The following AMPH variants were observed in gnomAD, a reference collection of about 807,000 sequenced individuals.
The protein encoded by AMPH is amphiphysin (Stiff-Mann syndrome with breast cancer 128kD autoantigen).
A neutral mutation model predicts 99.1 loss-of-function variants in AMPH; 49 were observed. That is an observed-to-expected ratio of 0.49 (90% CI 0.39 to 0.63). The LOEUF (loss-of-function observed/expected upper bound fraction) is 0.63. Ranked by LOEUF, AMPH falls within the 20% of genes least tolerant of loss-of-function variation. AMPH has a pLI of 0.00. For missense variants in AMPH, 759 were observed against 863.4 expected (o/e 0.88, Z 1.52); for synonymous variants, 314 against 317.3 (o/e 0.99, Z 0.11).
intron 20 of AMPH, among the ~76,000 whole-genome samples, chr7:38,387,709 G>C (rs1033625856): frequency 1.3e-5 from 2 of 150,880 alleles, no homozygotes; most frequent in African/African-American, 4.9e-5. Flanking sequence ...AAAAATTAAA[G>C]ATAAAAAGCA....
intron 11 of AMPH, among the ~76,000 whole-genome samples, chr7:38,440,256 CA>C (rs1786453408): frequency 6.6e-6 from 1 of 152,030 alleles, no homozygotes; most frequent in African/African-American, 2.4e-5. Context: ...AATAATGAAG[CA>C]AAAAGACAGT....
chr7:38,406,184 C>T (rs1784978963), intron 17 of AMPH, among the ~76,000 whole-genome samples: 1 of 152,026 alleles, frequency 6.6e-6, no homozygotes, highest in Non-Finnish European at 1.5e-5. Context: ...AGAGACACAA[C>T]ATATCAAAAC....
At chr7:38,613,819 TAGC>T (rs1584307361) in intron 1 of AMPH, among the ~76,000 whole-genome samples, 4 of 110,112 alleles carry the variant, frequency 3.6e-5, no homozygotes, top group Admixed American at 1.8e-4. Flanking sequence ...AAAAAAAAAA[TAGC>T]AGCTTCTGTA....
intron 1 of AMPH, among the ~76,000 whole-genome samples, chr7:38,605,777 T>G (rs1793415446): frequency 6.6e-6 from 1 of 152,104 alleles, no homozygotes; most frequent in Non-Finnish European, 1.5e-5. Context: ...AGACAGGGTT[T>G]CACTATGTTG....
chr7:38,558,522 A>T (rs772516554), intron 1 of AMPH, among the ~76,000 whole-genome samples: 52 of 152,234 alleles, frequency 3.4e-4, no homozygotes, highest in Non-Finnish European at 6.9e-4. Flanking sequence ...AACAGTTTTA[A>T]ACACTGATTA....
rs1002709285 is a variant in AMPH at position 38,463,128 on chromosome 7, G to C, written c.750-15C>G. On this transcript the variant is annotated splice_polypyrimidine_tract_variant and intron_variant, in intron 9 of 20. Transcript: ENST00000356264. The stretch of plus-strand genomic sequence containing the variant: ...GACCCGAATCACTAGAGGAACACAG[G>C]GGATTGGGCAAGGGGCCTTCTCAAG... 2.0e-5 allele frequency: 33 copies of C among 1,613,892 alleles called. No homozygotes were observed. The highest frequency in any genetic ancestry group is 2.8e-5 in the Non-Finnish European group (33 of 1,179,846).
intron 15 of AMPH, among the ~76,000 whole-genome samples, chr7:38,426,317 T>C (rs1785780986): frequency 6.6e-6 from 1 of 152,180 alleles, no homozygotes; most frequent in Non-Finnish European, 1.5e-5. Flanking sequence ...TGCCTACCTG[T>C]TGGGACATAC....
chr7:38,521,175 G>T (rs1303108613), intron 2 of AMPH, among the ~76,000 whole-genome samples: 1 of 151,996 alleles, frequency 6.6e-6, no homozygotes, highest in East Asian at 1.9e-4. Flanking sequence ...TCTTAAGAGG[G>T]TATCTTAAGG....
chr7:38,385,976 CA>C (rs59250361), intron 20 of AMPH, among the ~76,000 whole-genome samples: 2,150 of 152,260 alleles, frequency 0.014, 46 homozygotes, highest in African/African-American at 0.048. Context: ...AAACCCCCAA[CA>C]TAGTTCAAGT....
intron 1 of AMPH, among the ~76,000 whole-genome samples, chr7:38,620,334 A>ATGTGTG (rs1235215214): frequency 5.1e-4 from 44 of 86,284 alleles, no homozygotes; most frequent in African/African-American, 1.3e-3. Flanking sequence ...GGAGATATAT[A>ATGTGTG]TATGTGTGTG....
At chr7:38,494,604 G>A in intron 3 of AMPH, 77 bp from the exon 4 acceptor site, 1 of 1,307,182 alleles carries the variant, frequency 7.7e-7, no homozygotes, top group South Asian at 1.2e-5. Context: ...ACTTTCTTAA[G>A]TGAGAGAAAA....
intron 1 of AMPH, among the ~76,000 whole-genome samples, chr7:38,559,908 G>A (rs1034234497): frequency 6.6e-5 from 10 of 152,226 alleles, no homozygotes; most frequent in African/African-American, 2.4e-4. Flanking sequence ...ATGGATTAGT[G>A]GCTGGGATCA....
intron 1 of AMPH, among the ~76,000 whole-genome samples, chr7:38,620,505 A>G (rs2129070247): frequency 6.6e-6 from 1 of 150,496 alleles, no homozygotes; most frequent in East Asian, 2.0e-4. Context: ...GATCCTCCCA[A>G]GGTTTGGACC....
intron 1 of AMPH, among the ~76,000 whole-genome samples, chr7:38,557,702 G>T (rs1562825970): frequency 6.6e-6 from 1 of 152,080 alleles, no homozygotes. Flanking sequence ...GGAGATAACG[G>T]CTGTGAACAA....
At chr7:38,441,822 A>ATATATCATATC (rs371603521) in intron 11 of AMPH, among the ~76,000 whole-genome samples, 1 of 97,380 alleles carries the variant, frequency 1.0e-5, no homozygotes, top group African/African-American at 3.9e-5. Flanking sequence ...TATATATCAT[A>ATATATCATATC]TATCATATAT....
rs1310433607 is a variant in AMPH, at chr7:38,391,901, C to G, written c.1725G>C (p.Pro575=). Residue 575 remains proline, a synonymous_variant, in exon 19 of 21, where the codon CCG becomes CCC. Transcript: ENST00000356264. The part of the protein sequence containing the change: ...PKETTEDAAP[P]GPTSETPELA... Reference sequence around the variant, plus strand: ...GCTCCGGTGTCTCGCTGGTGGGGCCCGGAGGAGCCGCGTCCTCGGTGGTCT... The same window carrying G: ...GCTCCGGTGTCTCGCTGGTGGGGCCGGGAGGAGCCGCGTCCTCGGTGGTCT... 46 of 1,612,468 alleles carry G rather than the reference C, an allele frequency of 2.9e-5. No individual in the cohort carries two copies. Among genetic ancestry groups the G allele is most frequent in the Non-Finnish European group, 3.6e-5 (43 of 1,179,750 alleles).
intron 9 of AMPH, among the ~76,000 whole-genome samples, chr7:38,464,857 G>A (rs76940491): frequency 0.096 from 14,678 of 152,204 alleles, 947 homozygotes; most frequent in Middle Eastern, 0.2. Flanking sequence ...AATCACTGGA[G>A]AAAGCTGGTG....
intron 1 of AMPH, among the ~76,000 whole-genome samples, chr7:38,543,062 C>G (rs1478071610): frequency 6.6e-6 from 1 of 150,900 alleles, no homozygotes; most frequent in Non-Finnish European, 1.5e-5. Context: ...CCACTGCACT[C>G]CAGCCCAGGT....
chr7:38,624,277 A>G (rs1028586392), intron 1 of AMPH, among the ~76,000 whole-genome samples: 2 of 150,206 alleles, frequency 1.3e-5, no homozygotes, highest in Admixed American at 6.6e-5. Flanking sequence ...AATTGCACCT[A>G]AGACAATTAT....
Sources: allele counts gnomAD v4.1 joint callset (sites outside exome capture counted in the v4.1 genomes callset), GRCh38; gene constraint gnomAD v4.1.1; transcripts MANE v1.5; gene names NCBI Gene and HGNC (gene_info 2026-07-23, HGNC 2026-07-21).